GSN: variants seen among roughly 807,000 people sequenced by gnomAD.
GSN encodes the protein gelsolin, also known as actin-depolymerizing factor.
GSN carries 56 observed loss-of-function variants against 85.7 expected under a neutral mutation model. That is an observed-to-expected ratio of 0.65 (90% CI 0.53 to 0.82). The LOEUF is 0.82. Among genes scored for constraint, GSN ranks in the 40% least tolerant of loss-of-function variants. The pLI, the probability that GSN is intolerant of heterozygous loss-of-function variation, is 0.00. For synonymous variants in GSN, 373 were observed against 399.1 expected (o/e 0.93, Z 0.78); for missense variants, 857 against 979.8 (o/e 0.87, Z 1.67).
chr9:121,291,481 C>T (rs564454471), intron 2 of GSN, among the ~76,000 whole-genome samples: 149 of 146,344 alleles, frequency 1.0e-3, no homozygotes, highest in South Asian at 8.7e-4. Flanking sequence ...TGCAGTGGCG[C>T]GATCTCGGCT....
At chr9:121,202,360 C>G in the GSN span, among the ~76,000 whole-genome samples, 1 of 152,196 alleles carries the variant, frequency 6.6e-6, no homozygotes, top group Non-Finnish European at 1.5e-5. Flanking sequence ...ATATACCGGT[C>G]CTGTCCAACA....
rs57419831 is a variant in GSN, at chr9:121,324,751, G to GTCCA, written c.1416+149_1416+152dup. On this transcript the variant is annotated intron_variant, in intron 12 of 17. Transcript: ENST00000432226. Reference sequence around the variant, plus strand: ...CATTCGTTTGTCCATCTGTCTGTCTGTCCATCCATCCATCCATCCATCCAT... The same window carrying GTCCA: ...CATTCGTTTGTCCATCTGTCTGTCTGTCCATCCATCCATCCATCCATCCATCCAT... 61,648 of 679,220 alleles carry GTCCA rather than the reference G, an allele frequency of 0.091. 2,421 individuals carry two copies. The highest frequency in any genetic ancestry group is 0.22 in the East Asian group (7,876 of 35,428). The allele number at this position is 679,220 out of a possible 1,614,324, so 42.1% of individuals were successfully genotyped here. A position where few individuals can be genotyped will look rare whatever the true frequency, so the allele number is the denominator to read the frequency against.
At chr9:121,300,179 C>G in intron 2 of GSN, 1 of 1,266,650 alleles carries the variant, frequency 7.9e-7, no homozygotes, top group South Asian at 1.2e-5. Context: ...AGGGTGGGAG[C>G]CTCGGGGCCC....
upstream of GSN, among the ~76,000 whole-genome samples, chr9:121,267,359 A>T (rs2055262503): frequency 6.6e-6 from 1 of 152,198 alleles, no homozygotes; most frequent in Admixed American, 6.5e-5. Flanking sequence ...ATCTCCTAAA[A>T]CAGTATCTGC....
chr9:121,302,068 A>C lies in GSN; in HGVS notation c.97A>C (p.Asn33His). The C allele has an allele frequency of 6.2e-7, 1 of 1,614,224 alleles. No homozygotes were observed. Among genetic ancestry groups the C allele is most frequent in the Non-Finnish European group, 8.5e-7 (1 of 1,180,036 alleles). The change falls in exon 3 of 18, where the codon AAC becomes CAC. Residue 33 changes from asparagine (N) to histidine (H), a missense_variant. Physicochemically the swap from Asn to His is moderately conservative, Grantham distance 68. Transcript: ENST00000432226. ...EKFDLVPVPT[N>H]LYGDFFTGDA... ...GTTCGATCTGGTGCCCGTGCCCACC[A>C]ACCTTTATGGAGACTTCTTCACGGG...
At chr9:121,232,893 C>G (rs1169402791) in intron 5 of GSN, among the ~76,000 whole-genome samples, 1 of 152,140 alleles carries the variant, frequency 6.6e-6, no homozygotes, top group Admixed American at 6.5e-5. Flanking sequence ...CTCGATGGCA[C>G]TCTCAGCTTA....
At chr9:121,228,422 ATATTTTT>A (rs1176884611) in intron 4 of GSN, among the ~76,000 whole-genome samples, 23 of 58,180 alleles carry the variant, frequency 4.0e-4, no homozygotes, top group South Asian at 2.4e-3. Flanking sequence ...ATATATATAT[ATATTTTT>A]TTTTTTTTTT....
At chr9:121,303,175 G>C in intron 4 of GSN, 110 bp downstream of exon 4, 2 of 1,056,088 alleles carry the variant, frequency 1.9e-6, no homozygotes, top group Non-Finnish European at 2.9e-6. Context: ...AGACCGATCA[G>C]AGGTCAGGCT....
At chr9:121,207,992 G>C (rs2053912801) in intron 1 of GSN, 1 of 148,680 alleles carries the variant, frequency 6.7e-6, no homozygotes, top group Non-Finnish European at 1.5e-5. Context: ...TCTTGATGTT[G>C]TCCAGATTGG....
At chr9:121,239,664 C>A in intron 5 of GSN, 1 of 294,356 alleles carries the variant, frequency 3.4e-6, no homozygotes, top group Non-Finnish European at 6.7e-6. Flanking sequence ...GGTTGGCCAT[C>A]GCATGATATC....
intron 2 of GSN, among the ~76,000 whole-genome samples, chr9:121,288,803 C>A (rs1209820637): frequency 6.6e-6 from 1 of 151,824 alleles, no homozygotes; most frequent in East Asian, 1.9e-4. Context: ...ATGGACACGG[C>A]ATTCAAGAGA....
intron 2 of GSN, chr9:121,282,155 G>T (rs533717587): frequency 2.3e-5 from 11 of 477,012 alleles, no homozygotes; most frequent in Non-Finnish European, 4.0e-5. Context: ...AGAGTCCTGG[G>T]CTGGAAGCCA....
intron 1 of GSN, among the ~76,000 whole-genome samples, chr9:121,275,363 A>G (rs773697380): frequency 1.3e-5 from 2 of 152,194 alleles, no homozygotes; most frequent in African/African-American, 4.8e-5. Flanking sequence ...CAAAGTACCT[A>G]ACACAATGCT....
At chr9:121,325,937 G>C (rs144916627) in intron 12 of GSN, among the ~76,000 whole-genome samples, 1 of 151,914 alleles carries the variant, frequency 6.6e-6, no homozygotes, top group Non-Finnish European at 1.5e-5. Context: ...TATGCCTGAC[G>C]TACATGTGAG....
chr9:121,287,056 AGACTCCAAGTCTTGGAGCCTCC>A (rs1375763964), intron 2 of GSN, among the ~76,000 whole-genome samples: 1 of 151,944 alleles, frequency 6.6e-6, no homozygotes, highest in East Asian at 1.9e-4. Flanking sequence ...GGAGTGGCTG[AGACTCCAAGTCTTGGAGCCTCC>A]GACTCCACCC....
chr9:121,310,690 G>A lies in GSN; in HGVS notation c.358G>A (p.Gly120Ser), dbSNP rs1273939404. 6.2e-7 allele frequency: 1 copy of A among 1,614,066 alleles called. No homozygotes were observed. Residue 120 changes from glycine (G) to serine (S), a missense_variant, in exon 5 of 18, where the codon GGT becomes AGT. Transcript: ENST00000432226. ...FKSGLKYKKG[G>S]VASGFKHVVP... ...TGTCTCTTTGGCCCCACAGAAAGGAGGTGTGGCATCAGGATTCAAGCACGT... is the reference window on the plus strand; with the variant it reads ...TGTCTCTTTGGCCCCACAGAAAGGAAGTGTGGCATCAGGATTCAAGCACGT...
Position 121,302,107 on chromosome 9 carries a change from A to G in GSN, c.136A>G (p.Ile46Val), listed in dbSNP as rs1359811866. 6.2e-7 allele frequency: 1 copy of G among 1,614,228 alleles called. No homozygotes were observed. Among genetic ancestry groups the G allele is most frequent in the Non-Finnish European group, 8.5e-7 (1 of 1,180,008 alleles). ...GDFFTGDAYV[I>V]LKTVQLRNGN... ...CTTCTTCACGGGCGACGCCTACGTC[A>G]TCCTGAAGACAGTGCAGCTGAGGAA... is the stretch of plus-strand genomic sequence containing the variant. The change falls in exon 3 of 18, where the codon ATC becomes GTC. Residue 46 changes from isoleucine (I) to valine (V), a missense_variant. Physicochemically the swap from Ile to Val is conservative, Grantham distance 29 (BLOSUM62 3). Coordinates refer to ENST00000432226, the MANE Select transcript of GSN (RefSeq NM_198252.3).
At chr9:121,267,286 A>G (rs1226279972), upstream of GSN, among the ~76,000 whole-genome samples, 1 of 152,192 alleles carries the variant, frequency 6.6e-6, no homozygotes, top group East Asian at 1.9e-4. Context: ...GAAATCAACA[A>G]AGTATTACAT....
In GSN at chr9:121,329,282, G is replaced by A. The variant is rs759980004; in HGVS notation, c.1932G>A (p.Thr644=). The change falls in exon 16 of 18, where the codon ACG becomes ACA. Residue 644 remains threonine, a synonymous_variant. Coordinates refer to ENST00000432226, the MANE Select transcript of GSN (RefSeq NM_198252.3). This position sits in a 1 kb window ranked among gnomAD's most constrained non-coding sequence, Gnocchi z 4.6. ...AGCTCATGCAGGAAGACCTGGCAAC[G>A]GATGACGTCATGCTTCTGGACACCT... is the stretch of plus-strand genomic sequence containing the variant. ...PGELMQEDLA[T]DDVMLLDTWD... 2.4e-5 allele frequency: 39 copies of A among 1,611,874 alleles called. No individual in the cohort carries two copies. Among genetic ancestry groups the A allele is most frequent in the East Asian group, 2.2e-4 (10 of 44,882 alleles).
Sources: gnomAD v4.1 joint callset for allele counts (sites outside exome capture counted in the v4.1 genomes callset) on GRCh38, gnomAD v4.1.1 for gene constraint, Gnocchi (gnomAD v3.1) non-coding constraint, MANE v1.5 for transcripts, NCBI Gene and HGNC (gene_info 2026-07-23, HGNC 2026-07-21) for gene names.